GDPD3: variants seen among roughly 807,000 people sequenced by gnomAD.
GDPD3 encodes the protein glycerophosphodiester phosphodiesterase domain containing 3.
GDPD3 carries 40 observed loss-of-function variants against 43.7 expected under a neutral mutation model. The ratio of observed to expected loss-of-function variants is 0.91; its 90% CI spans 0.71 to 1.19. The LOEUF is 1.19. GDPD3 is among the 50% of genes most tolerant of loss of function. GDPD3 has a pLI of 0.00. For synonymous variants in GDPD3, 145 were observed against 162.9 expected (o/e 0.89, Z 0.84); for missense variants, 363 against 415.8 (o/e 0.87, Z 1.11).
Position 30,112,744 on chromosome 16 carries a change from G to A in GDPD3, c.232C>T (p.Arg78Trp), listed in dbSNP as rs201511312. The A allele has an allele frequency of 6.2e-6, 10 of 1,612,900 alleles. No homozygotes were observed. The highest frequency in any genetic ancestry group is 2.2e-5 in the East Asian group (1 of 44,892). ...DLLELDCQLT[R>W]DRVVVVSHDE... ...TGTGACACCACCACCACTCTGTCCC[G>A]TGTCAGCTGACAGTCGAGCTCCAGG... is the stretch of plus-strand genomic sequence containing the variant. Residue 78 changes from arginine to tryptophan, a missense_variant, in exon 3 of 10, where the codon CGG becomes TGG. Coordinates refer to ENST00000406256, the MANE Select transcript of GDPD3 (RefSeq NM_024307.3). The surrounding 1 kb of genome is among the most constrained non-coding windows in gnomAD (Gnocchi z 5.4).
At chr16:30,109,119 C>T (rs976945112) in intron 7 of GDPD3, among the ~76,000 whole-genome samples, 11 of 152,090 alleles carry the variant, frequency 7.2e-5, no homozygotes, top group Non-Finnish European at 1.0e-4. Context: ...CGTGAGCCAC[C>T]GTGCCCGGCC....
rs1265622601 is a variant in GDPD3 at position 30,113,085 on chromosome 16, G to A, written c.140-21C>T. ...AGATCCTGTGGGGGGCACTGGAGTG[G>A]GCCTCTGGGGCTTGGGGTCTAGGGG... On this transcript the variant is annotated intron_variant, in intron 1 of 9. Transcript: ENST00000406256. The surrounding 1 kb of genome is among the most constrained non-coding windows in gnomAD (Gnocchi z 5.9). The A allele has an allele frequency of 6.2e-7, 1 of 1,608,384 alleles. No homozygotes were observed. Among genetic ancestry groups the A allele is most frequent in the African/African-American group, 1.3e-5 (1 of 74,784 alleles).
intron 7 of GDPD3, 120 bp from the exon 8 acceptor site, chr16:30,108,552 C>T: frequency 1.2e-6 from 1 of 862,644 alleles, no homozygotes; most frequent in Non-Finnish European, 1.9e-6. Flanking sequence ...CAGAATCCCC[C>T]AGAATAACCT....
chr16:30,108,040 C>CGT lies in GDPD3; in HGVS notation c.819+171_819+172dup, dbSNP rs149175898. The stretch of plus-strand genomic sequence containing the variant: ...ACAGAAGAAGAAAATTGTGTGTGTT[C>CGT]GTGTGTGTGTGTGTGTGTATCCAGA... On this transcript the variant is annotated intron_variant, in intron 9 of 9. Transcript: ENST00000406256. The CGT allele has an allele frequency of 3.4e-3, 1,770 of 522,552 alleles. 4 individuals are homozygous for CGT. The highest frequency in any genetic ancestry group is 0.01 in the African/African-American group (527 of 50,830). 32.4% of individuals were successfully genotyped at this position (522,552 alleles called of 1,614,324 possible).
intron 9 of GDPD3, among the ~76,000 whole-genome samples, chr16:30,105,456 CAA>C (rs371773622): frequency 3.6e-4 from 40 of 111,004 alleles, no homozygotes; most frequent in African/African-American, 8.3e-4. Context: ...GACCTCGTCT[CAA>C]AAAAAAAAAA....
intron 7 of GDPD3, among the ~76,000 whole-genome samples, chr16:30,109,245 G>A (rs1255260765): frequency 3.3e-5 from 5 of 152,176 alleles, no homozygotes; most frequent in East Asian, 1.9e-4. Flanking sequence ...TAATAAGCAC[G>A]AGCCAGCCAA....
At chr16:30,109,490 C>T (rs1431461038) in intron 7 of GDPD3, among the ~76,000 whole-genome samples, 2 of 149,710 alleles carry the variant, frequency 1.3e-5, no homozygotes, top group Admixed American at 1.3e-4. Context: ...GCCTGGGCCA[C>T]AGAGTGAGAC....
Position 30,108,283 on chromosome 16 carries a change from C to T in GDPD3, c.768-19G>A, listed in dbSNP as rs201362291. The T allele has an allele frequency of 8.0e-5, 129 of 1,611,656 alleles. No homozygotes were observed. Among genetic ancestry groups the T allele is most frequent in the Middle Eastern group, 1.7e-4 (1 of 6,032 alleles). On this transcript the variant is annotated intron_variant, in intron 8 of 9. Transcript: ENST00000406256. ...GATCAGCCTGGGGGTGGGGTGGGGACGTGGGAGGTGATGATGAGAGGGGAC... is the reference window on the plus strand; with the variant it reads ...GATCAGCCTGGGGGTGGGGTGGGGATGTGGGAGGTGATGATGAGAGGGGAC...
Position 30,112,863 on chromosome 16 carries a change from G to T in GDPD3, c.183-70C>A. 6.4e-7 allele frequency: 1 copy of T among 1,565,220 alleles called. No homozygotes were observed. The highest frequency in any genetic ancestry group is 8.7e-7 in the Non-Finnish European group (1 of 1,143,258). On this transcript the variant is annotated intron_variant, in intron 2 of 9. Transcript: ENST00000406256. This position sits in a 1 kb window ranked among gnomAD's most constrained non-coding sequence, Gnocchi z 5.4. ...ATGAGGGGCATGGTGGCTGGGAGGT[G>T]GCCGGGAATGTGAGAGCGGAGTTCG... is the stretch of plus-strand genomic sequence containing the variant.
At chr16:30,109,031 C>T (rs565501838) in intron 7 of GDPD3, among the ~76,000 whole-genome samples, 103 of 152,092 alleles carry the variant, frequency 6.8e-4, no homozygotes, top group Middle Eastern at 6.8e-3. Flanking sequence ...AGGGTTTCAC[C>T]CTGTTAGCCA....
At chr16:30,109,486 G>A (rs750915526) in intron 7 of GDPD3, among the ~76,000 whole-genome samples, 15 of 151,978 alleles carry the variant, frequency 9.9e-5, no homozygotes, top group Non-Finnish European at 2.1e-4. Flanking sequence ...TCCAGCCTGG[G>A]CCACAGAGTG....
At chr16:30,107,460 CCATA>C (rs2072868223) in intron 9 of GDPD3, among the ~76,000 whole-genome samples, 1 of 152,068 alleles carries the variant, frequency 6.6e-6, no homozygotes, top group Admixed American at 6.6e-5. Flanking sequence ...ACCCCTAGTA[CCATA>C]GTGCCTGGAA....
chr16:30,108,674 C>A (rs1323494160), intron 7 of GDPD3, among the ~76,000 whole-genome samples: 1 of 152,056 alleles, frequency 6.6e-6, no homozygotes, highest in Non-Finnish European at 1.5e-5. Context: ...GAATCTGGGC[C>A]TTAGAGAACG....
rs1196345549 is a variant in GDPD3, at chr16:30,112,819, G to T, written c.183-26C>A. 6.2e-7 allele frequency: 1 copy of T among 1,602,038 alleles called. No individual in the cohort carries two copies. The highest frequency in any genetic ancestry group is 8.5e-7 in the Non-Finnish European group (1 of 1,177,628). On this transcript the variant is annotated intron_variant, in intron 2 of 9. Coordinates refer to ENST00000406256, the MANE Select transcript of GDPD3 (RefSeq NM_024307.3). This position sits in a 1 kb window ranked among gnomAD's most constrained non-coding sequence, Gnocchi z 5.4. ...CTGTGGGGGTGAAGGTCAGCGGGGGGCAGGGGCAGGGGACTGGGATGAGGG... is the reference window on the plus strand; with the variant it reads ...CTGTGGGGGTGAAGGTCAGCGGGGGTCAGGGGCAGGGGACTGGGATGAGGG...
rs2072915380 is a variant in GDPD3, at chr16:30,112,920, G to A, written c.182+102C>T. On this transcript the variant is annotated intron_variant, in intron 2 of 9. Transcript: ENST00000406256. This position sits in a 1 kb window ranked among gnomAD's most constrained non-coding sequence, Gnocchi z 5.4. ...GATGTGCAGGCCACCTCCAGGGGGC[G>A]CCAGTCACCCAGCTAGGAAGTGAAT... 11 of 1,477,670 alleles carry A rather than the reference G, an allele frequency of 7.4e-6. No homozygotes were observed. The highest frequency in any genetic ancestry group is 1.7e-4 in the Middle Eastern group (1 of 5,840). 91.5% of individuals were successfully genotyped at this position (1,477,670 alleles called of 1,614,324 possible).
chr16:30,107,295 C>A (rs1283676268), intron 9 of GDPD3, among the ~76,000 whole-genome samples: 1 of 151,284 alleles, frequency 6.6e-6, no homozygotes, highest in Non-Finnish European at 1.5e-5. Context: ...TTTGTAGAGA[C>A]GAGGGTCTCA....
Position 30,113,202 on chromosome 16 carries a change from T to C in GDPD3, c.139+138A>G. The C allele has an allele frequency of 7.3e-7, 1 of 1,378,528 alleles. No homozygotes were observed. The highest frequency in any genetic ancestry group is 1.0e-6 in the Non-Finnish European group (1 of 1,003,338). The allele number at this position is 1,378,528 out of a possible 1,614,324, so 85.4% of individuals were successfully genotyped here. On this transcript the variant is annotated intron_variant, in intron 1 of 9. Transcript: ENST00000406256. The surrounding 1 kb of genome is among the most constrained non-coding windows in gnomAD (Gnocchi z 5.9). ...AGCCAGCCCAGGCTGCGCCAGCATC[T>C]TCTTCCTCGTCCACACCCTGCCCTG...
intron 9 of GDPD3, among the ~76,000 whole-genome samples, chr16:30,105,638 G>GGGACTACA (rs2072854273): frequency 6.6e-6 from 1 of 150,548 alleles, no homozygotes; most frequent in Admixed American, 6.6e-5. Context: ...CTGAGTAGCT[G>GGGACTACA]GGACTACAGA....
At position 30,105,654 on chromosome 16, in the gene GDPD3, G is replaced by A. The variant is rs562524917; in HGVS notation, c.820-645C>T. ...TGAGTAGCTGGGACTACAGATGTCCGCCACCACGCCCAGCTAATTTTTCTG... is the reference window on the plus strand; with the variant it reads ...TGAGTAGCTGGGACTACAGATGTCCACCACCACGCCCAGCTAATTTTTCTG... On this transcript the variant is annotated intron_variant, in intron 9 of 9. Transcript: ENST00000406256. Among the ~76,000 whole-genome samples, 11 of 150,424 alleles carry A rather than the reference G, an allele frequency of 7.3e-5. No homozygotes were observed. The South Asian group carries it at 2.1e-3, about 29-fold the overall frequency.
Sources: gnomAD v4.1 joint callset for allele counts (sites outside exome capture counted in the v4.1 genomes callset) on GRCh38, gnomAD v4.1.1 for gene constraint, Gnocchi (gnomAD v3.1) non-coding constraint, MANE v1.5 for transcripts, NCBI Gene and HGNC (gene_info 2026-07-23, HGNC 2026-07-21) for gene names.